UBR3: variants seen among roughly 807,000 people sequenced by gnomAD.
UBR3 encodes the protein ubiquitin protein ligase E3 component n-recognin 3.
A neutral mutation model predicts 243.2 loss-of-function variants in UBR3; 85 were observed. The ratio of observed to expected loss-of-function variants is 0.35; its 90% confidence interval spans 0.29 to 0.42. The LOEUF (loss-of-function observed/expected upper bound fraction) is 0.42. Among genes scored for constraint, UBR3 ranks in the 10% least tolerant of loss-of-function variants. UBR3 has a pLI of 1.00. For synonymous variants in UBR3, 748 were observed against 799.8 expected (o/e 0.94, Z 1.09); for missense variants, 1,686 against 2,300.8 (o/e 0.73, Z 5.47).
At chr2:170,074,377 G>A (rs1388914826) in intron 36 of UBR3, among the ~76,000 whole-genome samples, 1 of 152,068 alleles carries the variant, frequency 6.6e-6, no homozygotes, top group African/African-American at 2.4e-5. Flanking sequence ...GTAGTGTCTA[G>A]TATATACAGC....
chr2:170,017,828 T>A (rs2090290976), intron 30 of UBR3, among the ~76,000 whole-genome samples: 1 of 152,198 alleles, frequency 6.6e-6, no homozygotes, highest in Admixed American at 6.6e-5. Context: ...CAGCATAGTA[T>A]GGTATTTTAA....
chr2:169,868,539 G>C (rs1351501907), intron 1 of UBR3, among the ~76,000 whole-genome samples: 1 of 152,146 alleles, frequency 6.6e-6, no homozygotes, highest in Non-Finnish European at 1.5e-5. Context: ...TTGAACTCCT[G>C]ACATCAAGTG....
chr2:169,837,587 T>C (rs2082149702), intron 1 of UBR3, among the ~76,000 whole-genome samples: 1 of 152,166 alleles, frequency 6.6e-6, no homozygotes, highest in South Asian at 2.1e-4. Flanking sequence ...CGTAGAATCA[T>C]GGTAGAAGGC....
rs1360776794 is a variant in UBR3 at position 170,080,138 on chromosome 2, A to C, written c.5409+115A>C. The C allele has an allele frequency of 6.2e-6, 6 of 974,426 alleles. No individual in the cohort carries two copies. In the Admixed American group the frequency reaches 1.7e-4, roughly 28 times the overall value. The allele number at this position is 974,426 out of a possible 1,614,324, so 60.4% of individuals were successfully genotyped here. A position where few individuals can be genotyped will look rare whatever the true frequency, so the allele number is the denominator to read the frequency against. On this transcript the variant is annotated intron_variant, in intron 37 of 38. Coordinates refer to ENST00000272793, the MANE Select transcript of UBR3 (RefSeq NM_172070.4). ...TTTGAATTAAGTATATAATACATAT[A>C]GGGATTGTGTGTGTTTTTTAATCCA...
chr2:169,933,579 T>G (rs911215571), intron 19 of UBR3, among the ~76,000 whole-genome samples: 4 of 152,224 alleles, frequency 2.6e-5, no homozygotes, highest in African/African-American at 9.6e-5. Context: ...TTATTTCACC[T>G]CTTTTTAAAC....
chr2:169,860,951 G>T (rs890356449), intron 1 of UBR3, among the ~76,000 whole-genome samples: 1 of 152,188 alleles, frequency 6.6e-6, no homozygotes, highest in African/African-American at 2.4e-5. Context: ...CTGGCAAACC[G>T]CTGGTGTAAG....
chr2:169,895,207 C>T lies in UBR3; in HGVS notation c.1132C>T (p.His378Tyr). 8 of 1,532,824 alleles carry T rather than the reference C, an allele frequency of 5.2e-6. No homozygotes were observed. Among genetic ancestry groups the T allele is most frequent in the Non-Finnish European group, 7.0e-6 (8 of 1,142,376 alleles). The allele number at this position is 1,532,824 out of a possible 1,614,324, so 95.0% of individuals were successfully genotyped here. A position where few individuals can be genotyped will look rare whatever the true frequency, so the allele number is the denominator to read the frequency against. The change falls in exon 7 of 39, where the codon CAT becomes TAT. Residue 378 changes from histidine to tyrosine, a missense_variant. By Grantham distance (83) the His-to-Tyr change is moderately conservative (BLOSUM62 2). Around this residue, in one of 8 missense-constraint regions of UBR3, gnomAD observed 200 missense variants for 231.6 expected, o/e 0.86. Coordinates refer to ENST00000272793, the MANE Select transcript of UBR3 (RefSeq NM_172070.4). ...TCAATCCATAATGGATGTTTTGAAG[C>T]ATAAAAGCTTCCTAGAAGAACTATT... is the stretch of plus-strand genomic sequence containing the variant. Reference protein sequence around the residue: ...KDQSIMDVLKHKSFLEELLFW... With the variant: ...KDQSIMDVLKYKSFLEELLFW...
In UBR3 at chr2:170,008,198, A is replaced by G. The variant is rs573774157; in HGVS notation, c.4231-606A>G. On this transcript the variant is annotated intron_variant, in intron 28 of 38. Coordinates refer to ENST00000272793, the MANE Select transcript of UBR3 (RefSeq NM_172070.4). ...CTTCATAAAAAAAAATTTCACCTTC[A>G]TTATAGATTTGTGATATGGTCTCTG... Among the ~76,000 whole-genome samples the G allele has an allele frequency of 2.6e-5, 4 of 152,228 alleles. No homozygotes were observed. In the South Asian group the frequency reaches 8.3e-4, roughly 32 times the overall value.
intron 6 of UBR3, 74 bp downstream of exon 6, chr2:169,891,305 G>C: frequency 8.7e-7 from 1 of 1,147,990 alleles, no homozygotes; most frequent in Non-Finnish European, 1.3e-6. Context: ...AAAAATACTT[G>C]ATGGGCTAGC....
intron 21 of UBR3, among the ~76,000 whole-genome samples, chr2:169,946,631 T>C (rs963175194): frequency 6.6e-6 from 1 of 152,108 alleles, no homozygotes; most frequent in Non-Finnish European, 1.5e-5. Context: ...AGGGCCTTCA[T>C]TGATACATTA....
intron 10 of UBR3, among the ~76,000 whole-genome samples, chr2:169,909,263 G>A (rs1387991218): frequency 2.6e-5 from 4 of 152,154 alleles, no homozygotes. Context: ...TTAAGGAGAA[G>A]CCACTGAAGA....
At chr2:169,842,846 C>T (rs2082344960) in intron 1 of UBR3, among the ~76,000 whole-genome samples, 1 of 152,236 alleles carries the variant, frequency 6.6e-6, no homozygotes, top group Admixed American at 6.5e-5. Flanking sequence ...CCCACCAATT[C>T]TGGACACAGT....
intron 1 of UBR3, among the ~76,000 whole-genome samples, chr2:169,854,580 T>G (rs2082771999): frequency 6.6e-6 from 1 of 152,176 alleles, no homozygotes; most frequent in Non-Finnish European, 1.5e-5. Flanking sequence ...CTTAAGTTTT[T>G]TTAATATTAT....
chr2:170,056,228 G>C (rs1365521904), intron 33 of UBR3, among the ~76,000 whole-genome samples: 1 of 151,866 alleles, frequency 6.6e-6, no homozygotes, highest in Non-Finnish European at 1.5e-5. Flanking sequence ...GGCTGGTCTT[G>C]AACTCCTGAC....
intron 24 of UBR3, among the ~76,000 whole-genome samples, chr2:169,984,379 A>G (rs2088900178): frequency 6.6e-6 from 1 of 152,200 alleles, no homozygotes; most frequent in Non-Finnish European, 1.5e-5. Flanking sequence ...AATAAAAATT[A>G]CTAGCATCCC....
intron 1 of UBR3, among the ~76,000 whole-genome samples, chr2:169,828,522 T>TC: frequency 6.6e-6 from 1 of 151,792 alleles, no homozygotes; most frequent in East Asian, 1.9e-4. Flanking sequence ...GGGGAGGTGG[T>TC]CTTGTACGTG....
At chr2:169,873,496 C>G (rs2083496008) in intron 2 of UBR3, among the ~76,000 whole-genome samples, 1 of 152,136 alleles carries the variant, frequency 6.6e-6, no homozygotes, top group East Asian at 1.9e-4. Context: ...CATAGAGACT[C>G]TGTCTTTACA....
chr2:169,870,740 G>A (rs549721075), intron 1 of UBR3, among the ~76,000 whole-genome samples: 3 of 150,826 alleles, frequency 2.0e-5, no homozygotes, highest in African/African-American at 4.9e-5. Flanking sequence ...TGCAACCTCC[G>A]CCTCCCAGGT....
At chr2:169,881,877 A>AT (rs1375135334) in intron 5 of UBR3, among the ~76,000 whole-genome samples, 3 of 133,840 alleles carry the variant, frequency 2.2e-5, no homozygotes, top group African/African-American at 5.5e-5. Context: ...GTATACATAT[A>AT]GGTATATGTG....
Sources: gnomAD v4.1 joint callset for allele counts (sites outside exome capture counted in the v4.1 genomes callset) on GRCh38, gnomAD v4.1.1 for gene constraint, gnomAD v4.1.1 regional missense constraint, MANE v1.5 for transcripts, NCBI Gene and HGNC (gene_info 2026-07-23, HGNC 2026-07-21) for gene names.